Variants in PPFIA2 observed in about 807,000 individuals in gnomAD.
PPFIA2 encodes PPFI scaffold protein A2.
A neutral mutation model predicts 175.5 loss-of-function variants in PPFIA2; 46 were observed. That is an observed-to-expected ratio of 0.26 (90% confidence interval 0.21 to 0.34). PPFIA2 has a LOEUF of 0.34. PPFIA2 is among the 10% of genes least tolerant of loss of function. The pLI is 1.00. For synonymous variants in PPFIA2, 568 were observed against 511.4 expected, an observed-to-expected ratio of 1.11 and a Z score of -1.49; for missense variants, 1,179 against 1,506.1, an observed-to-expected ratio of 0.78 and a Z score of 3.60.
At chr12:81,621,716 G>T (rs1272787902) in intron 4 of PPFIA2, among the ~76,000 whole-genome samples, 1 of 152,164 alleles carries the variant, frequency 6.6e-6, no homozygotes, top group Non-Finnish European at 1.5e-5. Context: ...CTAAAGAAAT[G>T]AAAGAATCAG....
chr12:81,717,424 G>A (rs550574821), intron 3 of PPFIA2, among the ~76,000 whole-genome samples: 19 of 151,686 alleles, frequency 1.3e-4, no homozygotes, highest in African/African-American at 4.6e-4. Flanking sequence ...CAACACTGGT[G>A]GATAATAATA....
At chr12:81,411,355 T>C (rs2043930197) in intron 7 of PPFIA2, among the ~76,000 whole-genome samples, 1 of 152,128 alleles carries the variant, frequency 6.6e-6, no homozygotes, top group Non-Finnish European at 1.5e-5. Flanking sequence ...TATTGCTTTG[T>C]CTTGATCCTT....
intron 16 of PPFIA2, among the ~76,000 whole-genome samples, chr12:81,354,863 C>T (rs1280382972): frequency 2.6e-5 from 4 of 152,024 alleles, no homozygotes; most frequent in African/African-American, 7.2e-5. Context: ...AGGCTGGTCT[C>T]GAGCTCCTGA....
chr12:81,326,747 A>C (rs2054865710), intron 21 of PPFIA2, among the ~76,000 whole-genome samples: 1 of 152,154 alleles, frequency 6.6e-6, no homozygotes, highest in Non-Finnish European at 1.5e-5. Flanking sequence ...CTATGTTCTG[A>C]AGTCGAGCTA....
chr12:81,588,122 G>A (rs971219679), intron 4 of PPFIA2, among the ~76,000 whole-genome samples: 14 of 151,906 alleles, frequency 9.2e-5, no homozygotes, highest in African/African-American at 3.4e-4. Context: ...TGGTAAGGAA[G>A]TATAAGAACA....
At chr12:81,552,105 T>C (rs1279264003) in intron 4 of PPFIA2, among the ~76,000 whole-genome samples, 1 of 151,644 alleles carries the variant, frequency 6.6e-6, no homozygotes, top group Non-Finnish European at 1.5e-5. Context: ...ATAATTTCAA[T>C]AATATTTATC....
chr12:81,654,560 A>G (rs147726658), intron 4 of PPFIA2, among the ~76,000 whole-genome samples: 1 of 152,230 alleles, frequency 6.6e-6, no homozygotes, highest in East Asian at 1.9e-4. Flanking sequence ...CATTTATGGA[A>G]TAAACCCAAC....
chr12:81,353,010 T>A, intron 17 of PPFIA2, 109 bp downstream of exon 17: 1 of 899,928 alleles, frequency 1.1e-6, no homozygotes, highest in Non-Finnish European at 1.7e-6. Flanking sequence ...ATTCTGCAGA[T>A]CTATTAAGCT....
At chr12:81,513,280 G>A (rs1370669527) in intron 4 of PPFIA2, among the ~76,000 whole-genome samples, 1 of 152,012 alleles carries the variant, frequency 6.6e-6, no homozygotes, top group South Asian at 2.1e-4. Context: ...GGTGAAAAGG[G>A]AACACTTTTA....
chr12:81,355,241 G>A (rs891666608), intron 16 of PPFIA2, among the ~76,000 whole-genome samples: 9 of 152,120 alleles, frequency 5.9e-5, no homozygotes, highest in Non-Finnish European at 1.0e-4. Flanking sequence ...TTAATAAGTA[G>A]TAATATTTTG....
intron 4 of PPFIA2, among the ~76,000 whole-genome samples, chr12:81,640,097 T>C (rs1438478826): frequency 2.6e-5 from 4 of 152,182 alleles, no homozygotes; most frequent in African/African-American, 7.2e-5. Flanking sequence ...AATATGAGTA[T>C]GATTATACAT....
At chr12:81,362,637 A>G in intron 15 of PPFIA2, 56 bp downstream of exon 15, 3 of 1,190,640 alleles carry the variant, frequency 2.5e-6, no homozygotes, top group Non-Finnish European at 3.6e-6. Context: ...TGAAACCATA[A>G]GGGAATTCAT....
chr12:81,265,697 C>T (rs536431486), intron 30 of PPFIA2, among the ~76,000 whole-genome samples: 17 of 152,266 alleles, frequency 1.1e-4, no homozygotes, highest in Non-Finnish European at 2.1e-4. Context: ...TTAAAGACAA[C>T]GAGTCGCATC....
At chr12:81,480,956 G>GT (rs1253845150) in intron 4 of PPFIA2, among the ~76,000 whole-genome samples, 1 of 152,184 alleles carries the variant, frequency 6.6e-6, no homozygotes. Context: ...AATTGTCTCT[G>GT]TTTGCAGATG....
intron 22 of PPFIA2, chr12:81,312,176 T>C: frequency 6.5e-7 from 1 of 1,534,384 alleles, no homozygotes; most frequent in Non-Finnish European, 8.7e-7. Flanking sequence ...GTGCTTTTCA[T>C]GAGATGGAGA....
chr12:81,632,456 T>C (rs891042512), intron 4 of PPFIA2, among the ~76,000 whole-genome samples: 1 of 152,092 alleles, frequency 6.6e-6, no homozygotes, highest in Non-Finnish European at 1.5e-5. Context: ...TCATCTCTTA[T>C]CTAGAAATTT....
intron 3 of PPFIA2, among the ~76,000 whole-genome samples, chr12:81,723,247 C>T (rs1011995213): frequency 6.6e-6 from 1 of 150,994 alleles, no homozygotes; most frequent in Non-Finnish European, 1.5e-5. Context: ...TGCACTCTTC[C>T]TGCCTGTATT....
chr12:81,601,257 A>G (rs569093700), intron 4 of PPFIA2, among the ~76,000 whole-genome samples: 15 of 152,092 alleles, frequency 9.9e-5, no homozygotes, highest in South Asian at 4.1e-4. Context: ...TTTTTCCAGA[A>G]CATTTTTTCC....
chr12:81,511,200 C>T (rs150138866), intron 4 of PPFIA2, among the ~76,000 whole-genome samples: 40 of 152,044 alleles, frequency 2.6e-4, no homozygotes, highest in African/African-American at 8.9e-4. Flanking sequence ...ATTTTTGACC[C>T]ATATCTGGGC....
Sources: gnomAD v4.1 joint callset for allele counts (sites outside exome capture counted in the v4.1 genomes callset) on GRCh38, gnomAD v4.1.1 for gene constraint, MANE v1.5 for transcripts, NCBI Gene and HGNC (gene_info 2026-07-23, HGNC 2026-07-21) for gene names.